The following BFSP1 variants were observed in gnomAD, a reference collection of about 807,000 sequenced individuals.
The protein encoded by BFSP1 is beaded filament structural protein 1.
Under a neutral mutation model 43.9 loss-of-function variants are expected in BFSP1, and 38 were observed. The ratio of observed to expected loss-of-function variants is 0.87; its 90% CI spans 0.67 to 1.14. The LOEUF (loss-of-function observed/expected upper bound fraction) is 1.14. Ranked by LOEUF, BFSP1 falls within the 50% of genes most tolerant of loss-of-function variation. The probability of loss-of-function intolerance (pLI) is 0.00; values close to 1 mark genes in which losing one functional copy is unlikely to be tolerated. For missense variants in BFSP1, 850 were observed against 875.1 expected, an observed-to-expected ratio of 0.97 and a Z score of 0.36; for synonymous variants, 352 against 354.8, an observed-to-expected ratio of 0.99 and a Z score of 0.09.
At chr20:17,499,758 C>A (rs1038480869) in intron 5 of BFSP1, among the ~76,000 whole-genome samples, 2 of 152,078 alleles carry the variant, frequency 1.3e-5, no homozygotes, top group African/African-American at 2.4e-5. Flanking sequence ...CCCATCTCTA[C>A]TAAAAATACA....
rs2034536378 is a variant in BFSP1 at position 17,531,345 on chromosome 20, G to A, written c.-16C>T. The stretch of plus-strand genomic sequence containing the variant: ...GCCGGTACATGGCTGCTCTGGCGCG[G>A]GCGCGCGGGCGGCGCCGAGCCGGCT... On this transcript the variant is annotated 5_prime_UTR_variant, in exon 1 of 8. Coordinates refer to ENST00000377873, the MANE Select transcript of BFSP1 (RefSeq NM_001195.5). The A allele has an allele frequency of 1.5e-6, 2 of 1,375,726 alleles. No individual in the cohort carries two copies. Among genetic ancestry groups the A allele is most frequent in the South Asian group, 1.6e-5 (1 of 62,026 alleles). The allele number at this position is 1,375,726 out of a possible 1,614,324, so 85.2% of individuals were successfully genotyped here. A position where few individuals can be genotyped will look rare whatever the true frequency, so the allele number is the denominator to read the frequency against.
rs1555805828 is a variant in BFSP1, at chr20:17,553,858, T to TAC, written c.2+4828_2+4829dup. On this transcript the variant is annotated intron_variant, in intron 1 of 7. Transcript: ENST00000377868. ...ATATACACATATATATACATATATA[T>TAC]ACACATATATATACATATATATATA... Among the ~76,000 whole-genome samples the TAC allele has an allele frequency of 9.9e-5, 7 of 70,842 alleles. 1 individual carries two copies. Among genetic ancestry groups the TAC allele is most frequent in the African/African-American group, 1.8e-4 (2 of 10,954 alleles). 46.5% of individuals were successfully genotyped at this position (70,842 alleles called of 152,430 possible).
chr20:17,567,932 G>A (rs1019185006), intron 1 of BFSP1, among the ~76,000 whole-genome samples: 1 of 150,754 alleles, frequency 6.6e-6, no homozygotes, highest in Non-Finnish European at 1.5e-5. Flanking sequence ...GGGTGAAGGA[G>A]TTGTAAGGGG....
At chr20:17,552,875 G>C (rs2034917321) in intron 1 of BFSP1, among the ~76,000 whole-genome samples, 1 of 152,204 alleles carries the variant, frequency 6.6e-6, no homozygotes, top group African/African-American at 2.4e-5. Context: ...CCAAGGGCAA[G>C]TGTTGAATAG....
At position 17,520,214 on chromosome 20, in the gene BFSP1, C is replaced by CG. The variant is rs2034291252; in HGVS notation, c.438+4633_438+4634insC. On this transcript the variant is annotated intron_variant, in intron 2 of 7. Coordinates refer to ENST00000377873, the MANE Select transcript of BFSP1 (RefSeq NM_001195.5). ...CAGGAGTCTGGGTTTTAACGTGCCC[C>CG]CCCACCCCGCCCACCTTTCACCCCA... 3.6e-5 allele frequency among the ~76,000 whole-genome samples: 5 copies of CG among 138,728 alleles called. No individual in the cohort carries two copies. In the South Asian group the frequency reaches 1.1e-3, roughly 31 times the overall value. The allele number at this position is 138,728 out of a possible 152,430, so 91.0% of individuals were successfully genotyped here.
intron 1 of BFSP1, among the ~76,000 whole-genome samples, chr20:17,567,760 T>C (rs1396879055): frequency 1.3e-5 from 2 of 148,886 alleles, no homozygotes; most frequent in African/African-American, 2.5e-5. Flanking sequence ...ACTCGGGAGG[T>C]TGAGGCAGGA....
chr20:17,546,700 T>C (rs1210288044), intron 1 of BFSP1, among the ~76,000 whole-genome samples: 3 of 151,434 alleles, frequency 2.0e-5, no homozygotes, highest in Non-Finnish European at 2.9e-5. Context: ...TGAGACTCCA[T>C]TTAAAAAACA....
chr20:17,542,982 C>T (rs1311446492), intron 1 of BFSP1, among the ~76,000 whole-genome samples: 2 of 152,178 alleles, frequency 1.3e-5, no homozygotes, highest in South Asian at 4.1e-4. Flanking sequence ...AAAATAGTTT[C>T]AGCACCGCTA....
intron 5 of BFSP1, among the ~76,000 whole-genome samples, 197 bp from the exon 6 acceptor site, chr20:17,499,237 A>C (rs2033732415): frequency 9.4e-6 from 1 of 106,476 alleles, no homozygotes; most frequent in African/African-American, 4.0e-5. Context: ...CTGTGTCCTT[A>C]CACAATTTTT....
intron 1 of BFSP1, among the ~76,000 whole-genome samples, chr20:17,529,283 C>T (rs963392721): frequency 2.6e-5 from 4 of 152,176 alleles, no homozygotes; most frequent in African/African-American, 9.7e-5. Flanking sequence ...ACAATGTTGG[C>T]CAGGCTGGTC....
chr20:17,557,228 T>A (rs1433953169), intron 1 of BFSP1, among the ~76,000 whole-genome samples: 1 of 152,236 alleles, frequency 6.6e-6, no homozygotes, highest in Non-Finnish European at 1.5e-5. Context: ...GCAGCATTGA[T>A]ACCAGGTCCC....
intron 1 of BFSP1, among the ~76,000 whole-genome samples, chr20:17,547,034 A>G (rs1363698044): frequency 6.6e-6 from 1 of 151,656 alleles, no homozygotes; most frequent in African/African-American, 2.4e-5. Flanking sequence ...CTCAAAAAAA[A>G]AAAAAAAAAA....
chr20:17,497,596 G>A (rs1302758000), intron 6 of BFSP1, among the ~76,000 whole-genome samples: 11 of 82,912 alleles, frequency 1.3e-4, no homozygotes, highest in South Asian at 8.0e-4. Flanking sequence ...ATATATACGT[G>A]TATATATATA....
intron 1 of BFSP1, among the ~76,000 whole-genome samples, chr20:17,553,672 T>C (rs989601084): frequency 6.6e-6 from 1 of 150,958 alleles, no homozygotes; most frequent in African/African-American, 2.4e-5. Context: ...GCAAACTACT[T>C]TAGATAAGGT....
rs750868908 is a variant in BFSP1, at chr20:17,498,845, G to C, written c.931C>G (p.Arg311Gly). 2 of 1,613,176 alleles carry C rather than the reference G, an allele frequency of 1.2e-6. No individual in the cohort carries two copies. Among genetic ancestry groups the C allele is most frequent in the Admixed American group, 1.7e-5 (1 of 60,002 alleles). ...TLKNELDRYH[R>G]IIEIEGNRLT... ...CTGTTGCCTTCAATCTCGATGATAC[G>C]ATGATACCGGTCCAGCTCATTCTTC... is the stretch of plus-strand genomic sequence containing the variant. Residue 311 changes from arginine to glycine, a missense_variant, in exon 6 of 8, where the codon CGT becomes GGT. Physicochemically the swap from Arg to Gly is moderately radical, Grantham distance 125. Transcript: ENST00000377873.
At chr20:17,527,465 C>T (rs961311429) in intron 1 of BFSP1, among the ~76,000 whole-genome samples, 3 of 152,158 alleles carry the variant, frequency 2.0e-5, no homozygotes, top group Non-Finnish European at 2.9e-5. Flanking sequence ...CGGTGGCTCA[C>T]GCCTGTAATC....
chr20:17,531,440 G>A, upstream of BFSP1: 2 of 1,232,926 alleles, frequency 1.6e-6, no homozygotes, highest in Non-Finnish European at 2.0e-6. Context: ...GCGCTGCTGG[G>A]ACGTTCCAGA....
chr20:17,520,599 T>C lies in BFSP1; in HGVS notation c.438+4249A>G, dbSNP rs550111470. On this transcript the variant is annotated intron_variant, in intron 2 of 7. Coordinates refer to ENST00000377873, the MANE Select transcript of BFSP1 (RefSeq NM_001195.5). ...GTGCTAATGTTGGCCTGGAGGGCACTGGACAAATTCTACATCTCTCCACCC... is the reference window on the plus strand; with the variant it reads ...GTGCTAATGTTGGCCTGGAGGGCACCGGACAAATTCTACATCTCTCCACCC... 3.7e-4 allele frequency among the ~76,000 whole-genome samples: 56 copies of C among 152,360 alleles called. 1 individual carries two copies. The highest frequency in any genetic ancestry group is 7.3e-4 in the Non-Finnish European group (50 of 68,036).
upstream of BFSP1, among the ~76,000 whole-genome samples, chr20:17,536,306 T>C (rs1300655853): frequency 1.3e-5 from 2 of 152,182 alleles, no homozygotes; most frequent in Non-Finnish European, 2.9e-5. Flanking sequence ...ATCCCAGCAC[T>C]TTGGGAGGCC....
Sources: gnomAD v4.1 joint callset for allele counts (sites outside exome capture counted in the v4.1 genomes callset) on GRCh38, gnomAD v4.1.1 for gene constraint, MANE v1.5 for transcripts, NCBI Gene and HGNC (gene_info 2026-07-23, HGNC 2026-07-21) for gene names.